Variants in ASXL3 observed in about 807,000 individuals in gnomAD.
ASXL3 encodes the protein putative Polycomb group protein ASXL3.
ASXL3 carries 34 observed loss-of-function variants against 170.6 expected under a neutral mutation model. The ratio of observed to expected loss-of-function variants is 0.20; its 90% CI spans 0.15 to 0.27. ASXL3 has a LOEUF of 0.27. Among genes scored for constraint, ASXL3 ranks in the 10% least tolerant of loss-of-function variants. The pLI, the probability that ASXL3 is intolerant of heterozygous loss-of-function variation, is 1.00. For synonymous variants in ASXL3, 1,002 were observed against 989.1 expected, an observed-to-expected ratio of 1.01 and a Z score of -0.24; for missense variants, 2,592 against 2,695.3, an observed-to-expected ratio of 0.96 and a Z score of 0.85.
intron 5 of ASXL3, among the ~76,000 whole-genome samples, chr18:33,662,339 G>A (rs949943298): frequency 3.9e-5 from 6 of 152,128 alleles, no homozygotes; most frequent in African/African-American, 1.4e-4. Context: ...GCCCTGGTTT[G>A]AATTCTTGCT....
At chr18:33,653,870 T>A (rs2066040084) in intron 4 of ASXL3, among the ~76,000 whole-genome samples, 1 of 152,026 alleles carries the variant, frequency 6.6e-6, no homozygotes. Flanking sequence ...CTCCTTTTTT[T>A]TTTCTGTGCT....
intron 2 of ASXL3, among the ~76,000 whole-genome samples, chr18:33,640,009 T>C (rs1430842503): frequency 1.3e-5 from 2 of 152,128 alleles, no homozygotes; most frequent in Non-Finnish European, 2.9e-5. Flanking sequence ...TATCCTCACA[T>C]AGAAAATCAC....
At chr18:33,633,214 C>G (rs2065706602) in intron 2 of ASXL3, among the ~76,000 whole-genome samples, 1 of 152,156 alleles carries the variant, frequency 6.6e-6, no homozygotes, top group African/African-American at 2.4e-5. Context: ...AAGCACACTT[C>G]CAACTGGAAA....
chr18:33,578,453 TCCCACCCGCC>T lies in ASXL3; in HGVS notation c.-178_-169del, dbSNP rs2064962280. 8.4e-5 allele frequency: 4 copies of T among 47,514 alleles called. No homozygotes were observed. In the South Asian group the frequency reaches 2.4e-3, roughly 28 times the overall value. 2.9% of individuals were successfully genotyped at this position (47,514 alleles called of 1,614,324 possible). A position where few individuals can be genotyped will look rare whatever the true frequency, so the allele number is the denominator to read the frequency against. Reference sequence around the variant, plus strand: ...CCACCCCACCCCCTCGCTCCATCCCTCCCACCCGCCGCCGCCGCCGCCGCCGCCGCCGCCG... The same window carrying T: ...CCACCCCACCCCCTCGCTCCATCCCTGCCGCCGCCGCCGCCGCCGCCGCCG... On this transcript the variant is annotated 5_prime_UTR_variant, in exon 1 of 12. Coordinates refer to ENST00000269197, the MANE Select transcript of ASXL3 (RefSeq NM_030632.3).
intron 11 of ASXL3, 75 bp from the exon 12 acceptor site, chr18:33,742,813 A>T: frequency 3.4e-6 from 5 of 1,482,514 alleles, no homozygotes; most frequent in Non-Finnish European, 4.5e-6. Context: ...TTTCCCTTGC[A>T]TTATCACATT....
At position 33,743,699 on chromosome 18, in the gene ASXL3, C is replaced by T; in HGVS notation, c.3851C>T (p.Thr1284Ile). 3 of 1,613,824 alleles carry T rather than the reference C, an allele frequency of 1.9e-6. No homozygotes were observed. Among genetic ancestry groups the T allele is most frequent in the Non-Finnish European group, 1.7e-6 (2 of 1,179,892 alleles). The change falls in exon 12 of 12, where the codon ACC becomes ATC. Residue 1284 changes from threonine (T) to isoleucine (I), a missense_variant. Physicochemically the swap from Thr to Ile is moderately conservative, Grantham distance 89 (BLOSUM62 -1). Coordinates refer to ENST00000269197, the MANE Select transcript of ASXL3 (RefSeq NM_030632.3). ...GCTTGTAATATAAGCATGTTAAAAA[C>T]CATCCAGGGAACTGACACTCCATGC... ...ISACNISMLK[T>I]IQGTDTPCIA...
In ASXL3 at chr18:33,738,471, T is replaced by G. The variant is rs1205967002; in HGVS notation, c.1083-16T>G. The G allele has an allele frequency of 6.4e-7, 1 of 1,571,406 alleles. No homozygotes were observed. Among genetic ancestry groups the G allele is most frequent in the African/African-American group, 1.4e-5 (1 of 72,918 alleles). On this transcript the variant is annotated splice_polypyrimidine_tract_variant and intron_variant, in intron 10 of 11. Coordinates refer to ENST00000269197, the MANE Select transcript of ASXL3 (RefSeq NM_030632.3). ...TTTTGTGGTTGAGCAATAATTTATT[T>G]CTAATTTCTGTACAGGCTGGGCATG...
At chr18:33,654,907 A>C (rs1044037228) in intron 4 of ASXL3, among the ~76,000 whole-genome samples, 4 of 152,066 alleles carry the variant, frequency 2.6e-5, no homozygotes, top group Non-Finnish European at 5.9e-5. Flanking sequence ...ATTTTTATGA[A>C]TATCCAGAGA....
chr18:33,714,812 C>G (rs1170690927), intron 8 of ASXL3, among the ~76,000 whole-genome samples: 2 of 152,122 alleles, frequency 1.3e-5, no homozygotes, highest in Non-Finnish European at 2.9e-5. Flanking sequence ...TGTGCCTGCT[C>G]TCCTCTATTT....
chr18:33,613,364 C>T (rs2145135545), intron 2 of ASXL3, among the ~76,000 whole-genome samples: 1 of 152,178 alleles, frequency 6.6e-6, no homozygotes, highest in Admixed American at 6.5e-5. Flanking sequence ...TCTTCCTTCC[C>T]CCTTTACAAA....
intron 1 of ASXL3, among the ~76,000 whole-genome samples, chr18:33,598,908 C>T (rs1179108321): frequency 6.6e-6 from 1 of 152,070 alleles, no homozygotes; most frequent in African/African-American, 2.4e-5. Flanking sequence ...AAATTAACTC[C>T]TTTGTATCTT....
At chr18:33,580,351 G>T (rs2064981738) in intron 1 of ASXL3, among the ~76,000 whole-genome samples, 1 of 152,280 alleles carries the variant, frequency 6.6e-6, no homozygotes, top group East Asian at 1.9e-4. Context: ...TGTTTGCTCG[G>T]CCATTAATTC....
At position 33,745,091 on chromosome 18, in the gene ASXL3, C is replaced by T. The variant is rs1301566194; in HGVS notation, c.5243C>T (p.Pro1748Leu). ...CTGTCCTCTGTGGAGGCTAACAATC[C>T]GCTGGTGACGCAGTTACTACAGGGC... ...CRLSSVEANN[P>L]LVTQLLQGNL... Residue 1748 changes from proline (P) to leucine (L), a missense_variant, in exon 12 of 12, where the codon CCG (proline) becomes CTG (leucine). By Grantham distance (98) the Pro-to-Leu change is moderately conservative (BLOSUM62 -3). This residue lies in a region of ASXL3 where 2,246 missense variants were observed against 2,219.6 expected (regional missense o/e 1.01). Coordinates refer to ENST00000269197, the MANE Select transcript of ASXL3 (RefSeq NM_030632.3). 1.7e-5 allele frequency: 27 copies of T among 1,613,986 alleles called. No homozygotes were observed. Among genetic ancestry groups the T allele is most frequent in the East Asian group, 6.7e-5 (3 of 44,872 alleles).
intron 8 of ASXL3, among the ~76,000 whole-genome samples, chr18:33,702,304 T>C (rs1028029344): frequency 6.6e-5 from 10 of 152,330 alleles, no homozygotes; most frequent in Non-Finnish European, 1.3e-4. Flanking sequence ...TACTCTTTTT[T>C]TTTGCAAGTG....
rs1235136378 is a variant in ASXL3 at position 33,746,773 on chromosome 18, A to T, written c.*178A>T. 9.8e-7 allele frequency: 1 copy of T among 1,018,162 alleles called. No homozygotes were observed. Among genetic ancestry groups the T allele is most frequent in the Non-Finnish European group, 1.4e-6 (1 of 738,854 alleles). 63.1% of individuals were successfully genotyped at this position (1,018,162 alleles called of 1,614,324 possible). The stretch of plus-strand genomic sequence containing the variant: ...TCTCATAAAGGGGAGGATGCATCCC[A>T]ACTGAATGGCTCACTGGCATGTCTT... On this transcript the variant is annotated 3_prime_UTR_variant, in exon 12 of 12. Coordinates refer to ENST00000269197, the MANE Select transcript of ASXL3 (RefSeq NM_030632.3).
intron 2 of ASXL3, among the ~76,000 whole-genome samples, chr18:33,617,464 C>T (rs186554192): frequency 6.6e-6 from 1 of 152,250 alleles, no homozygotes; most frequent in Non-Finnish European, 1.5e-5. Context: ...GCACTCCAGC[C>T]TGGACAACAG....
chr18:33,583,395 G>A (rs2065009078), intron 1 of ASXL3, among the ~76,000 whole-genome samples: 1 of 152,174 alleles, frequency 6.6e-6, no homozygotes, highest in African/African-American at 2.4e-5. Flanking sequence ...TAAAATTTCA[G>A]TTGGTTTGAT....
Position 33,744,288 on chromosome 18 carries a change from G to T in ASXL3, c.4440G>T (p.Thr1480=). The T allele has an allele frequency of 1.2e-6, 2 of 1,613,940 alleles. No homozygotes were observed. The highest frequency in any genetic ancestry group is 4.5e-5 in the East Asian group (2 of 44,876). ...PCKVIVDHST[T]LTSSLSLTVS... is the part of the protein sequence containing the mutation. Reference sequence around the variant, plus strand: ...AAGTCATCGTTGACCACAGCACCACGCTGACCTCCAGTTTGTCTCTGACTG... The same window carrying T: ...AAGTCATCGTTGACCACAGCACCACTCTGACCTCCAGTTTGTCTCTGACTG... The change falls in exon 12 of 12, where the codon ACG becomes ACT. Residue 1480 remains threonine (T), a synonymous_variant. Transcript: ENST00000269197.
chr18:33,585,019 G>A (rs1221222947), intron 1 of ASXL3, among the ~76,000 whole-genome samples: 8 of 151,860 alleles, frequency 5.3e-5, no homozygotes, highest in Admixed American at 5.2e-4. Flanking sequence ...AGCGTAGGGA[G>A]GGCCCAAGCC....
Sources: allele counts gnomAD v4.1 joint callset (sites outside exome capture counted in the v4.1 genomes callset), GRCh38; gene constraint gnomAD v4.1.1; regional missense constraint gnomAD v4.1.1; transcripts MANE v1.5; gene names NCBI Gene and HGNC (gene_info 2026-07-23, HGNC 2026-07-21).